The following ZNF257 variants were observed in gnomAD, a reference collection of about 807,000 sequenced individuals.
The protein encoded by ZNF257 is bone marrow zinc finger 4.
Under a neutral mutation model 11.9 loss-of-function variants are expected in ZNF257, and 12 were observed. That is an observed-to-expected ratio of 1.01 (90% confidence interval 0.65 to 1.63). The LOEUF (loss-of-function observed/expected upper bound fraction) is 1.63, where lower values mean the gene tolerates loss of function less well. Among genes scored for constraint, ZNF257 ranks in the 40% most tolerant of loss-of-function variants. The pLI, the probability that ZNF257 is intolerant of heterozygous loss-of-function variation, is 0.00. For synonymous variants in ZNF257, 183 were observed against 222.7 expected, an observed-to-expected ratio of 0.82 and a Z score of 1.59; for missense variants, 580 against 665.5, an observed-to-expected ratio of 0.87 and a Z score of 1.41.
Position 22,089,251 on chromosome 19 carries a change from C to G in ZNF257, c.1501C>G (p.His501Asp). 1 of 1,612,382 alleles carries G rather than the reference C, an allele frequency of 6.2e-7. No homozygotes were observed. Among genetic ancestry groups the G allele is most frequent in the Non-Finnish European group, 8.5e-7 (1 of 1,179,428 alleles). Residue 501 changes from histidine to aspartate, a missense_variant, in exon 4 of 4, where the codon CAC becomes GAC. His to Asp is a moderately conservative substitution (Grantham distance 81). Transcript: ENST00000594947. Reference protein sequence around the residue: ...ECGKAFNRSSHLSQHKIIHTG... With the variant: ...ECGKAFNRSSDLSQHKIIHTG... ...TGGCAAAGCCTTTAACCGGTCTTCA[C>G]ACCTTTCTCAACATAAGATAATTCA...
rs1053149383 is a variant in ZNF257 at position 22,089,112 on chromosome 19, T to C, written c.1362T>C (p.Thr454=). The C allele has an allele frequency of 7.4e-6, 12 of 1,613,800 alleles. No individual in the cohort carries two copies. Among genetic ancestry groups the C allele is most frequent in the Non-Finnish European group, 1.0e-5 (12 of 1,179,936 alleles). The stretch of plus-strand genomic sequence containing the variant: ...TTATTCGACATAAGATAATTCATAC[T>C]GGAGAGAAACCCTACAAATGTGAAG... ...SYLIRHKIIH[T]GEKPYKCEEC... Residue 454 remains threonine (T), a synonymous_variant, in exon 4 of 4, where the codon ACT becomes ACC. Coordinates refer to ENST00000594947, the MANE Select transcript of ZNF257 (RefSeq NM_033468.4).
chr19:22,056,221 G>T (rs2021635295), intron 1 of ZNF257, among the ~76,000 whole-genome samples: 1 of 152,116 alleles, frequency 6.6e-6, no homozygotes, highest in Non-Finnish European at 1.5e-5. Context: ...GGAGGCCGAG[G>T]TGGGTGGATC....
At chr19:22,085,047 T>TG (rs1200699898) in intron 3 of ZNF257, among the ~76,000 whole-genome samples, 2 of 150,848 alleles carry the variant, frequency 1.3e-5, no homozygotes, top group African/African-American at 4.9e-5. Context: ...AGTTTTTTTT[T>TG]TTGTTGTTGT....
intron 1 of ZNF257, among the ~76,000 whole-genome samples, chr19:22,054,699 T>A (rs997563649): frequency 1.3e-5 from 2 of 152,116 alleles, no homozygotes; most frequent in African/African-American, 4.8e-5. Flanking sequence ...GTAAAAAAAA[T>A]TTTGTTCCTC....
intron 1 of ZNF257, among the ~76,000 whole-genome samples, chr19:22,069,678 T>C (rs1477463541): frequency 1.3e-5 from 2 of 152,282 alleles, no homozygotes; most frequent in Admixed American, 6.5e-5. Context: ...GAAGGGATGT[T>C]TATGGACAGA....
At chr19:22,067,835 AAAAAAAT>A (rs985366410) in intron 1 of ZNF257, among the ~76,000 whole-genome samples, 55 of 148,964 alleles carry the variant, frequency 3.7e-4, no homozygotes, top group African/African-American at 1.2e-3. Context: ...CTCTATCTCA[AAAAAAAT>A]AAAAAATAAA....
chr19:22,067,610 G>A (rs2021987140), intron 1 of ZNF257, among the ~76,000 whole-genome samples: 1 of 151,962 alleles, frequency 6.6e-6, no homozygotes, highest in Admixed American at 6.6e-5. Context: ...GCTGAGGCAG[G>A]TGGATCACGA....
chr19:22,066,857 A>G (rs1391847093), intron 1 of ZNF257, among the ~76,000 whole-genome samples: 3 of 151,714 alleles, frequency 2.0e-5, no homozygotes, highest in Non-Finnish European at 4.4e-5. Flanking sequence ...CTGTCTTTGC[A>G]GTCTTTGAGC....
chr19:22,055,610 G>C (rs992249866), intron 1 of ZNF257, among the ~76,000 whole-genome samples: 3 of 152,192 alleles, frequency 2.0e-5, no homozygotes, highest in South Asian at 4.1e-4. Flanking sequence ...ACTCAGTGGG[G>C]CATAGTGCAG....
At position 22,077,283 on chromosome 19, in the gene ZNF257, C is replaced by T. The variant is rs529776809; in HGVS notation, c.226+3719C>T. 2.6e-5 allele frequency among the ~76,000 whole-genome samples: 4 copies of T among 152,168 alleles called. No homozygotes were observed. In the East Asian group the frequency reaches 7.7e-4, roughly 29 times the overall value. ...GCAGTGAGCCATAGTTGTGCCACTG[C>T]AATCCAGCTTGGGTGACAGAGTAAG... is the stretch of plus-strand genomic sequence containing the variant. On this transcript the variant is annotated intron_variant, in intron 3 of 3. Coordinates refer to ENST00000594947, the MANE Select transcript of ZNF257 (RefSeq NM_033468.4).
chr19:22,082,189 A>G (rs1168553588), intron 3 of ZNF257, among the ~76,000 whole-genome samples: 3 of 152,154 alleles, frequency 2.0e-5, no homozygotes, highest in Non-Finnish European at 2.9e-5. Flanking sequence ...TGTTTTTCAT[A>G]TTCTGTAGAA....
rs1169700141 is a variant in ZNF257, at chr19:22,088,572, A to G, written c.822A>G (p.Gln274=). ...TTAACCGGTCTTCACACATTACTCA[A>G]CATAAGAGAATTCATAATAGAGAGA... ...KAFNRSSHIT[Q]HKRIHNREKP... is the part of the protein sequence containing the mutation. The change falls in exon 4 of 4, where the codon CAA becomes CAG. Residue 274 remains glutamine, a synonymous_variant. Transcript: ENST00000594947. 2.5e-6 allele frequency: 4 copies of G among 1,613,620 alleles called. No individual in the cohort carries two copies. The South Asian group carries it at 3.3e-5, about 13-fold the overall frequency.
chr19:22,060,686 A>G (rs4932950), intron 1 of ZNF257: 34,822 of 151,926 alleles, frequency 0.23, 4,703 homozygotes, highest in South Asian at 0.44. Flanking sequence ...GAGTTTCACC[A>G]TATTGGCCAG....
rs1256663028 is a variant in ZNF257 at position 22,081,630 on chromosome 19, A to T, written c.227-6347A>T. On this transcript the variant is annotated intron_variant, in intron 3 of 3. Coordinates refer to ENST00000594947, the MANE Select transcript of ZNF257 (RefSeq NM_033468.4). ...AGCAGCTTCAGCCTCCCAAACTCAG[A>T]TGATCCTCTCATTTCAGCCTCTCAA... is the stretch of plus-strand genomic sequence containing the variant. Among the ~76,000 whole-genome samples, 8 of 152,074 alleles carry T rather than the reference A, an allele frequency of 5.3e-5. No individual in the cohort carries two copies. The East Asian group carries it at 1.5e-3, about 29-fold the overall frequency.
intron 1 of ZNF257, among the ~76,000 whole-genome samples, chr19:22,053,311 T>A (rs1207027703): frequency 7.8e-6 from 1 of 128,606 alleles, no homozygotes; most frequent in East Asian, 2.4e-4. Flanking sequence ...GAGGTTGCAG[T>A]GAGCCGAGAT....
Position 22,072,922 on chromosome 19 carries a change from C to G in ZNF257, c.117C>G (p.Asn39Lys). Residue 39 changes from asparagine (N) to lysine (K), a missense_variant, in exon 2 of 4, where the codon AAC becomes AAG. Asn to Lys is a moderately conservative substitution (Grantham distance 94). Coordinates refer to ENST00000594947, the MANE Select transcript of ZNF257 (RefSeq NM_033468.4). ...ATGTGATGTTAGAGAACTACAGAAA[C>G]CTGGTCTTCCTGGGTGAGGATAACT... Reference protein sequence around the residue: ...YRDVMLENYRNLVFLGIAVSK... With the variant: ...YRDVMLENYRKLVFLGIAVSK... 2 of 1,612,148 alleles carry G rather than the reference C, an allele frequency of 1.2e-6. No individual in the cohort carries two copies. The highest frequency in any genetic ancestry group is 1.7e-6 in the Non-Finnish European group (2 of 1,179,148).
In ZNF257 at chr19:22,056,469, A is replaced by C. The variant is rs1027174693; in HGVS notation, c.3+3834A>C. On this transcript the variant is annotated intron_variant, in intron 1 of 3. Transcript: ENST00000594947. ...ATTTACCTATTTCTTTTCCAGAGTG[A>C]ATTTAGAAATTTTTTTTTTTTTTTT... 6.4e-5 allele frequency among the ~76,000 whole-genome samples: 9 copies of C among 141,586 alleles called. No individual in the cohort carries two copies. In the East Asian group the frequency reaches 1.3e-3, roughly 20 times the overall value. The allele number at this position is 141,586 out of a possible 152,430, so 92.9% of individuals were successfully genotyped here. A position where few individuals can be genotyped will look rare whatever the true frequency, so the allele number is the denominator to read the frequency against.
intron 1 of ZNF257, among the ~76,000 whole-genome samples, chr19:22,055,435 A>G (rs1394265760): frequency 6.6e-6 from 1 of 152,026 alleles, no homozygotes; most frequent in African/African-American, 2.4e-5. Context: ...TGAACACCTG[A>G]CCTCTGGTGA....
At chr19:22,060,177 G>C (rs1024895245) in intron 1 of ZNF257, among the ~76,000 whole-genome samples, 2 of 152,214 alleles carry the variant, frequency 1.3e-5, no homozygotes, top group African/African-American at 4.8e-5. Flanking sequence ...ACCCAATTAA[G>C]AGGTTGCTAG....
Sources: gnomAD v4.1 joint callset for allele counts (sites outside exome capture counted in the v4.1 genomes callset) on GRCh38, gnomAD v4.1.1 for gene constraint, MANE v1.5 for transcripts, NCBI Gene and HGNC (gene_info 2026-07-23, HGNC 2026-07-21) for gene names.